The following DLGAP1 variants were observed in gnomAD, a reference collection of about 807,000 sequenced individuals.
The protein encoded by DLGAP1 is disks large-associated protein 1.
A neutral mutation model predicts 90.8 loss-of-function variants in DLGAP1; 11 were observed. The ratio of observed to expected loss-of-function variants is 0.12; its 90% CI spans 0.08 to 0.20. The LOEUF is 0.20. DLGAP1 is among the 10% of genes least tolerant of loss of function. The pLI is 1.00. For missense variants in DLGAP1, 1,050 were observed against 1,333.8 expected, an observed-to-expected ratio of 0.79 and a Z score of 3.31; for synonymous variants, 558 against 540.7, an observed-to-expected ratio of 1.03 and a Z score of -0.44.
intron 3 of DLGAP1, among the ~76,000 whole-genome samples, chr18:4,002,898 C>T (rs1274112834): frequency 6.6e-6 from 1 of 152,174 alleles, no homozygotes. Flanking sequence ...CTCTCTCTCC[C>T]CTTCCCGGTC....
In DLGAP1 at chr18:4,378,588, C is replaced by T. The variant is rs2082059679; in HGVS notation, c.-267+76418G>A. 6.6e-6 allele frequency among the ~76,000 whole-genome samples: 1 copy of T among 152,046 alleles called. No homozygotes were observed. The highest frequency in any genetic ancestry group is 2.4e-5 in the African/African-American group (1 of 41,416). On this transcript the variant is annotated intron_variant, in intron 1 of 12. Transcript: ENST00000315677. The surrounding 1 kb of genome is among the most constrained non-coding windows in gnomAD (Gnocchi z 4.5). Reference sequence around the variant, plus strand: ...CAAAATCAACAAATAAAATCAAGCTCTTAGAGTGCTTAAGAATCCATGGTG... The same window carrying T: ...CAAAATCAACAAATAAAATCAAGCTTTTAGAGTGCTTAAGAATCCATGGTG...
intron 1 of DLGAP1, among the ~76,000 whole-genome samples, chr18:4,152,715 C>G (rs946687407): frequency 6.6e-6 from 1 of 152,188 alleles, no homozygotes; most frequent in African/African-American, 2.4e-5. Context: ...GAACACTTGA[C>G]TTTCACACAT....
chr18:3,578,844 A>G (rs2055319410), intron 8 of DLGAP1, among the ~76,000 whole-genome samples: 2 of 152,162 alleles, frequency 1.3e-5, no homozygotes, highest in African/African-American at 4.8e-5. Flanking sequence ...TGGATGAGTC[A>G]AATGAGAGTC....
intron 1 of DLGAP1, among the ~76,000 whole-genome samples, chr18:4,155,326 G>A (rs76799747): frequency 0.019 from 2,913 of 152,196 alleles, 89 homozygotes; most frequent in African/African-American, 0.064. Context: ...AAAATAAGTC[G>A]CAACAATTTG....
chr18:4,071,700 C>T (rs2075449730), intron 2 of DLGAP1, among the ~76,000 whole-genome samples: 1 of 152,190 alleles, frequency 6.6e-6, no homozygotes, highest in South Asian at 2.1e-4. Context: ...TTGTCTCTGA[C>T]ATTGTAATAG....
intron 5 of DLGAP1, among the ~76,000 whole-genome samples, chr18:3,797,875 C>T (rs895914386): frequency 6.6e-6 from 1 of 152,090 alleles, no homozygotes; most frequent in African/African-American, 2.4e-5. Flanking sequence ...GAGGGAGAGA[C>T]CTGGTAGAAG....
At chr18:4,220,092 A>T (rs1416135554) in intron 1 of DLGAP1, among the ~76,000 whole-genome samples, 2 of 152,068 alleles carry the variant, frequency 1.3e-5, no homozygotes, top group African/African-American at 4.8e-5. Context: ...TTTAACACTA[A>T]TTCTTCTAAT....
intron 3 of DLGAP1, among the ~76,000 whole-genome samples, chr18:3,938,168 G>A (rs2072684072): frequency 6.6e-6 from 1 of 152,176 alleles, no homozygotes; most frequent in African/African-American, 2.4e-5. Flanking sequence ...AAGGGCAATA[G>A]TTTGGGGCTA....
chr18:3,754,723 C>CAAAAAAAAAAAA (rs1161245616), intron 5 of DLGAP1, among the ~76,000 whole-genome samples: 7 of 58,752 alleles, frequency 1.2e-4, no homozygotes, highest in East Asian at 4.9e-4. Flanking sequence ...TACTAAAATA[C>CAAAAAAAAAAAA]AAAAAAAAAA....
intron 9 of DLGAP1, among the ~76,000 whole-genome samples, chr18:3,558,325 T>C (rs2053877659): frequency 6.6e-6 from 1 of 152,150 alleles, no homozygotes; most frequent in Non-Finnish European, 1.5e-5. Context: ...ATCCACCTCC[T>C]GGATTCAAGT....
intron 1 of DLGAP1, among the ~76,000 whole-genome samples, chr18:4,416,975 G>A (rs997574691): frequency 6.6e-6 from 1 of 152,184 alleles, no homozygotes; most frequent in African/African-American, 2.4e-5. Flanking sequence ...TAGTGTGAGG[G>A]TCAGAAGTCA....
intron 2 of DLGAP1, among the ~76,000 whole-genome samples, chr18:4,010,307 A>G (rs4561560): frequency 0.2 from 30,849 of 151,980 alleles, 3,263 homozygotes; most frequent in African/African-American, 0.28. Flanking sequence ...CACTTTGGGA[A>G]GCCAAGGCAG....
At chr18:4,230,448 T>C (rs1409878665) in intron 1 of DLGAP1, among the ~76,000 whole-genome samples, 2 of 152,032 alleles carry the variant, frequency 1.3e-5, no homozygotes, top group African/African-American at 4.8e-5. Flanking sequence ...GGAGTACTGT[T>C]AGCCATAAAA....
chr18:4,001,900 A>G (rs9789180), intron 3 of DLGAP1, among the ~76,000 whole-genome samples: 149,867 of 152,250 alleles, frequency 0.98, 73,817 homozygotes, highest in Middle Eastern at 1. Flanking sequence ...CCTTACAGTG[A>G]ATACTTGTGA....
chr18:3,977,951 A>C (rs8093394), intron 3 of DLGAP1: 15,228 of 355,416 alleles, frequency 0.043, 752 homozygotes, highest in African/African-American at 0.16. Flanking sequence ...CATGCCAGTA[A>C]GCTTTCTATT....
intron 9 of DLGAP1, among the ~76,000 whole-genome samples, chr18:3,545,878 C>T (rs1483698431): frequency 6.6e-6 from 1 of 152,078 alleles, no homozygotes; most frequent in Non-Finnish European, 1.5e-5. Context: ...AGGATGTTTT[C>T]TAATGATAAA....
rs1359442927 is a variant in DLGAP1 at position 3,741,135 on chromosome 18, ACATCAC to A, written c.1350+1194_1350+1199del. 3.1e-4 allele frequency among the ~76,000 whole-genome samples: 23 copies of A among 74,958 alleles called. 1 individual carries two copies. Among genetic ancestry groups the A allele is most frequent in the African/African-American group, 8.4e-4 (16 of 18,994 alleles). The allele number at this position is 74,958 out of a possible 152,430, so 49.2% of individuals were successfully genotyped here. A position where few individuals can be genotyped will look rare whatever the true frequency, so the allele number is the denominator to read the frequency against. Reference sequence around the variant, plus strand: ...CACCACCACCATCACCACCACCACCACATCACCATCACCATCACCACCACCATCACC... The same window carrying A: ...CACCACCACCATCACCACCACCACCACATCACCATCACCACCACCATCACC... On this transcript the variant is annotated intron_variant, in intron 6 of 12. Coordinates refer to ENST00000315677, the MANE Select transcript of DLGAP1 (RefSeq NM_004746.4).
chr18:3,810,621 G>A (rs1331100342), intron 5 of DLGAP1, among the ~76,000 whole-genome samples: 1 of 152,024 alleles, frequency 6.6e-6, no homozygotes, highest in Non-Finnish European at 1.5e-5. Flanking sequence ...CCAGGATATA[G>A]GGATCTTTTT....
At chr18:4,354,670 C>A (rs77544719) in intron 1 of DLGAP1, among the ~76,000 whole-genome samples, 7,800 of 151,880 alleles carry the variant, frequency 0.051, 656 homozygotes, top group African/African-American at 0.18. Flanking sequence ...AAAGGTATCA[C>A]ATCTTTTTTG....
Sources: gnomAD v4.1 joint callset for allele counts (sites outside exome capture counted in the v4.1 genomes callset) on GRCh38, gnomAD v4.1.1 for gene constraint, Gnocchi (gnomAD v3.1) non-coding constraint, MANE v1.5 for transcripts, NCBI Gene and HGNC (gene_info 2026-07-23, HGNC 2026-07-21) for gene names.